ZNF536: variants seen among roughly 807,000 people sequenced by gnomAD.
ZNF536 encodes zinc finger protein 536.
In ZNF536, 13 loss-of-function variants were observed where a neutral mutation model predicts 84.5. The ratio of observed to expected loss-of-function variants is 0.15; its 90% CI spans 0.10 to 0.24. ZNF536 has a LOEUF of 0.24. Ranked by LOEUF, ZNF536 falls within the 10% of genes least tolerant of loss-of-function variation. The pLI is 1.00. For synonymous variants in ZNF536, 811 were observed against 742.5 expected (o/e 1.09, Z -1.50); for missense variants, 1,536 against 1,747.5 (o/e 0.88, Z 2.16).
chr19:30,626,890 G>A (rs2048701502), intron 1 of ZNF536, among the ~76,000 whole-genome samples: 1 of 152,218 alleles, frequency 6.6e-6, no homozygotes, highest in South Asian at 2.1e-4. Context: ...CTAACCTCCA[G>A]GCTGCCCTCC....
chr19:30,339,550 C>G (rs143081262), intron 2 of ZNF536, among the ~76,000 whole-genome samples: 3 of 152,088 alleles, frequency 2.0e-5, no homozygotes, highest in African/African-American at 7.2e-5. Context: ...TGCCTACCCT[C>G]GGGCAGAGCT....
At chr19:30,522,262 C>CACATGTATATAT (rs2044375836) in intron 2 of ZNF536, among the ~76,000 whole-genome samples, 1 of 7,638 alleles carries the variant, frequency 1.3e-4, no homozygotes, top group African/African-American at 7.2e-4. Flanking sequence ...GATATATATA[C>CACATGTATATAT]ATATATATAT....
intron 2 of ZNF536, among the ~76,000 whole-genome samples, chr19:30,467,233 G>A (rs2053450611): frequency 6.6e-6 from 1 of 152,080 alleles, no homozygotes; most frequent in African/African-American, 2.4e-5. Context: ...TTCTCCTCTG[G>A]CAAAACTGAC....
At chr19:30,226,995 A>T (rs995506726), upstream of ZNF536, among the ~76,000 whole-genome samples, 3 of 151,942 alleles carry the variant, frequency 2.0e-5, no homozygotes, top group Non-Finnish European at 4.4e-5. This position sits in a 1 kb window ranked among gnomAD's most constrained non-coding sequence, Gnocchi z 4.6. Context: ...GCAAAAAAAA[A>T]AAAGTTAGGG....
upstream of ZNF536, among the ~76,000 whole-genome samples, chr19:30,370,625 T>C (rs1041862387): frequency 3.3e-5 from 5 of 152,198 alleles, no homozygotes; most frequent in Non-Finnish European, 2.9e-5. Context: ...TGACAAAGAA[T>C]GTTATAAAAA....
intron 1 of ZNF536, among the ~76,000 whole-genome samples, chr19:30,604,968 G>A (rs1236257290): frequency 6.6e-6 from 1 of 152,156 alleles, no homozygotes; most frequent in Non-Finnish European, 1.5e-5. Flanking sequence ...AGTCCACGTA[G>A]CTTGCACTAC....
chr19:30,455,617 C>T (rs1427826170), intron 2 of ZNF536, among the ~76,000 whole-genome samples: 2 of 152,156 alleles, frequency 1.3e-5, no homozygotes, highest in Non-Finnish European at 2.9e-5. Context: ...GAGAAGATCG[C>T]TTACGCCCAA....
chr19:30,298,083 T>A (rs1178024315), intron 2 of ZNF536, among the ~76,000 whole-genome samples: 1 of 152,114 alleles, frequency 6.6e-6, no homozygotes, highest in Non-Finnish European at 1.5e-5. Flanking sequence ...TTTCATCATA[T>A]TGGTCAGGCT....
At chr19:30,489,623 C>T (rs532168963) in intron 2 of ZNF536, among the ~76,000 whole-genome samples, 11 of 151,852 alleles carry the variant, frequency 7.2e-5, no homozygotes, top group Non-Finnish European at 1.3e-4. Flanking sequence ...ATAATAAAAA[C>T]GTACAATATA....
chr19:30,352,259 C>T (rs1157001153), intron 2 of ZNF536: 2 of 152,238 alleles, frequency 1.3e-5, no homozygotes, highest in Non-Finnish European at 1.5e-5. Flanking sequence ...TTGATTTCAT[C>T]TTTAACCTTT....
chr19:30,492,348 A>G (rs969075811), intron 2 of ZNF536, among the ~76,000 whole-genome samples: 4 of 152,166 alleles, frequency 2.6e-5, no homozygotes, highest in Non-Finnish European at 1.5e-5. Flanking sequence ...CTTTGTTAGC[A>G]CTACAATGGC....
At chr19:30,524,605 T>G (rs10417374) in intron 2 of ZNF536, among the ~76,000 whole-genome samples, 3,212 of 152,298 alleles carry the variant, frequency 0.021, 111 homozygotes, top group African/African-American at 0.073. Flanking sequence ...CAAGTTATAG[T>G]GACTGACCAA....
chr19:30,708,553 A>G (rs1414130829), intron 1 of ZNF536, among the ~76,000 whole-genome samples: 2 of 152,172 alleles, frequency 1.3e-5, no homozygotes, highest in East Asian at 3.9e-4. Context: ...GCGGTGGGAA[A>G]CTGGAAGCAT....
intron 2 of ZNF536, among the ~76,000 whole-genome samples, chr19:30,527,434 T>G (rs1599698326): frequency 6.6e-6 from 1 of 152,054 alleles, no homozygotes; most frequent in Non-Finnish European, 1.5e-5. Flanking sequence ...CCGACCCCGT[T>G]GGTAATAACC....
intron 1 of ZNF536, among the ~76,000 whole-genome samples, chr19:30,680,335 T>C (rs1205320139): frequency 1.3e-5 from 2 of 151,588 alleles, no homozygotes; most frequent in Admixed American, 1.3e-4. Context: ...ATGTGCCATG[T>C]TGGTGTGCTG....
chr19:30,608,582 T>C lies in ZNF536; in HGVS notation c.169+59068T>C, dbSNP rs560619557. Among the ~76,000 whole-genome samples the C allele has an allele frequency of 1.1e-4, 16 of 152,294 alleles. No individual in the cohort carries two copies. In the South Asian group the frequency reaches 3.3e-3, roughly 32 times the overall value. On this transcript the variant is annotated intron_variant, in intron 1 of 1. Coordinates refer to the ZNF536 transcript ENST00000592773. ...CCTGATTCCAGTCTGGGACCTAGAA[T>C]GAGCCATATTGGTTGATGGCTATAG...
At position 30,444,315 on chromosome 19, in the gene ZNF536, G is replaced by A. The variant is rs1346015532; in HGVS notation, c.753G>A (p.Val251=). 6.3e-7 allele frequency: 1 copy of A among 1,587,488 alleles called. No homozygotes were observed. ...AGGCTAACCACAGCGTTCCCGACGT[G>A]GCCCACCCGGTGCCCTCGCCCAAGC... ...ALQANHSVPD[V]AHPVPSPKPA... Residue 251 remains valine (V), a synonymous_variant, in exon 2 of 5, where the codon GTG becomes GTA. Coordinates refer to ENST00000355537, the MANE Select transcript of ZNF536 (RefSeq NM_014717.3).
intron 2 of ZNF536, among the ~76,000 whole-genome samples, chr19:30,496,850 C>T (rs1032608383): frequency 1.2e-4 from 18 of 152,004 alleles, no homozygotes; most frequent in South Asian, 6.2e-4. Flanking sequence ...CACACAGCTA[C>T]GAGGGGCGAG....
rs900260961 is a variant in ZNF536 at position 30,251,969 on chromosome 19, G to T, written c.-190+23296G>T. On this transcript the variant is annotated intron_variant, in intron 1 of 5. Transcript: ENST00000585628. ...TGCACATATATATATATAGAAAAGA[G>T]CTTTTGCACAGCAAAAAGGTCAGCA... is the stretch of plus-strand genomic sequence containing the variant. Among the ~76,000 whole-genome samples the T allele has an allele frequency of 5.3e-5, 8 of 152,072 alleles. No individual in the cohort carries two copies. The East Asian group carries it at 1.5e-3, about 29-fold the overall frequency.
Sources: allele counts gnomAD v4.1 joint callset (sites outside exome capture counted in the v4.1 genomes callset), GRCh38; gene constraint gnomAD v4.1.1; non-coding constraint Gnocchi (gnomAD v3.1); transcripts MANE v1.5; gene names NCBI Gene and HGNC (gene_info 2026-07-23, HGNC 2026-07-21).